PARD3: variants seen among roughly 807,000 people sequenced by gnomAD.
PARD3 encodes the protein par-3 family cell polarity regulator.
Under a neutral mutation model 155.4 loss-of-function variants are expected in PARD3, and 75 were observed. The observed-to-expected ratio is 0.48, with a 90% CI of 0.40 to 0.58. The LOEUF is 0.58. Among genes scored for constraint, PARD3 ranks in the 20% least tolerant of loss-of-function variants. The probability of loss-of-function intolerance (pLI) is 0.00; values close to 1 mark genes in which losing one functional copy is unlikely to be tolerated. For missense variants in PARD3, 1,642 were observed against 1,721.7 expected (o/e 0.95, Z 0.82); for synonymous variants, 576 against 610.5 (o/e 0.94, Z 0.83).
At chr10:34,277,647 T>C (rs1419673468) in intron 21 of PARD3, among the ~76,000 whole-genome samples, 2 of 152,140 alleles carry the variant, frequency 1.3e-5, no homozygotes, top group African/African-American at 2.4e-5. Context: ...CTGAAATATA[T>C]AGTGGTCCCT....
chr10:34,377,387 C>T (rs1384388989), intron 10 of PARD3, among the ~76,000 whole-genome samples: 1 of 151,936 alleles, frequency 6.6e-6, no homozygotes, highest in Non-Finnish European at 1.5e-5. Flanking sequence ...GGCAGGAGTT[C>T]AAGGCCAGCC....
intron 3 of PARD3, among the ~76,000 whole-genome samples, chr10:34,516,197 T>C (rs1165982384): frequency 2.0e-5 from 3 of 152,152 alleles, no homozygotes; most frequent in Non-Finnish European, 4.4e-5. Context: ...ACTCCTGACC[T>C]CAGGTGATCC....
rs1231021477 is a variant in PARD3, at chr10:34,436,123, A to G, written c.714+14194T>C. Among the ~76,000 whole-genome samples, 4 of 152,264 alleles carry G rather than the reference A, an allele frequency of 2.6e-5. No individual in the cohort carries two copies. The East Asian group carries it at 7.7e-4, about 29-fold the overall frequency. The stretch of plus-strand genomic sequence containing the variant: ...AGTTATGCCAAAGGTAAGAACTTTC[A>G]GAAAGTCTCATTTGATTTATGTGCA... On this transcript the variant is annotated intron_variant, in intron 5 of 24. Coordinates refer to ENST00000374788, the MANE Select transcript of PARD3 (RefSeq NM_001184785.2).
At chr10:34,232,338 T>G (rs1446695601) in intron 22 of PARD3, among the ~76,000 whole-genome samples, 1 of 152,086 alleles carries the variant, frequency 6.6e-6, no homozygotes, top group African/African-American at 2.4e-5. Context: ...AAAGGGGAGC[T>G]TGAAAAGGTC....
chr10:34,210,810 T>C (rs186277254), intron 22 of PARD3, among the ~76,000 whole-genome samples: 1 of 152,280 alleles, frequency 6.6e-6, no homozygotes, highest in East Asian at 1.9e-4. Context: ...ACAATGGTCA[T>C]TTAGGAATAC....
chr10:34,688,319 T>C (rs1460084117), intron 2 of PARD3, among the ~76,000 whole-genome samples: 1 of 152,200 alleles, frequency 6.6e-6, no homozygotes, highest in South Asian at 2.1e-4. Flanking sequence ...AGGCCCACTG[T>C]TGAGAACGAA....
At chr10:34,543,846 T>C (rs1260861272) in intron 2 of PARD3, among the ~76,000 whole-genome samples, 4 of 152,198 alleles carry the variant, frequency 2.6e-5, no homozygotes, top group African/African-American at 9.6e-5. Context: ...TGAAATTTTA[T>C]CAGAAGGCCA....
At chr10:34,727,943 C>T (rs2094748101) in intron 1 of PARD3, among the ~76,000 whole-genome samples, 1 of 151,924 alleles carries the variant, frequency 6.6e-6, no homozygotes, top group Non-Finnish European at 1.5e-5. Flanking sequence ...CAACCATTAC[C>T]ACATACTGGG....
chr10:34,393,836 ATTTT>A lies in PARD3; in HGVS notation c.890+5490_890+5493del, dbSNP rs11330074. 1.6e-3 allele frequency among the ~76,000 whole-genome samples: 207 copies of A among 128,808 alleles called. 1 individual carries two copies. Among genetic ancestry groups the A allele is most frequent in the African/African-American group, 5.8e-3 (196 of 33,576 alleles). 84.5% of individuals were successfully genotyped at this position (128,808 alleles called of 152,430 possible). On this transcript the variant is annotated intron_variant, in intron 7 of 24. Coordinates refer to ENST00000374788, the MANE Select transcript of PARD3 (RefSeq NM_001184785.2). ...TGAAGCCCAAGTAAGAATAGTAGTA[ATTTT>A]TTTTTTTTTTTTTTTGAGACAGAGT...
At chr10:34,645,136 A>G (rs1350767811) in intron 2 of PARD3, among the ~76,000 whole-genome samples, 1 of 152,118 alleles carries the variant, frequency 6.6e-6, no homozygotes, top group African/African-American at 2.4e-5. Context: ...TACAGGCATG[A>G]GCCATCACAC....
At position 34,813,478 on chromosome 10, in the gene PARD3, G is replaced by A. The variant is rs143217963; in HGVS notation, c.120+1398C>T. On this transcript the variant is annotated intron_variant, in intron 1 of 24. Coordinates refer to ENST00000374788, the MANE Select transcript of PARD3 (RefSeq NM_001184785.2). ...TTTGTCAGCTTTGCAAGATAAACAGGTGCCCAATTCCCACTAATTTTATTT... is the reference window on the plus strand; with the variant it reads ...TTTGTCAGCTTTGCAAGATAAACAGATGCCCAATTCCCACTAATTTTATTT... Among the ~76,000 whole-genome samples, 70 of 152,212 alleles carry A rather than the reference G, an allele frequency of 4.6e-4. No homozygotes were observed. The East Asian group carries it at 0.011, about 24-fold the overall frequency.
chr10:34,117,080 A>C (rs1181640625), intron 24 of PARD3, among the ~76,000 whole-genome samples: 1 of 152,166 alleles, frequency 6.6e-6, no homozygotes, highest in Admixed American at 6.5e-5. Context: ...CTGGGACCCA[A>C]GTGCCCCTTC....
At chr10:34,221,607 C>T (rs745731710) in intron 22 of PARD3, among the ~76,000 whole-genome samples, 1 of 152,078 alleles carries the variant, frequency 6.6e-6, no homozygotes, top group South Asian at 2.1e-4. Context: ...CTATAAAACA[C>T]GAATGACCAG....
At chr10:34,379,248 A>C (rs1410938121) in intron 9 of PARD3, among the ~76,000 whole-genome samples, 1 of 152,178 alleles carries the variant, frequency 6.6e-6, no homozygotes, top group Non-Finnish European at 1.5e-5. Flanking sequence ...AGGGTGAATA[A>C]AAATGTAGAT....
intron 22 of PARD3, among the ~76,000 whole-genome samples, chr10:34,230,532 T>C (rs766638997): frequency 6.6e-6 from 1 of 152,142 alleles, no homozygotes; most frequent in Non-Finnish European, 1.5e-5. Flanking sequence ...CACCTGACTA[T>C]AGGTCTGGAC....
chr10:34,638,347 G>A (rs186358890), intron 2 of PARD3, among the ~76,000 whole-genome samples: 39 of 152,226 alleles, frequency 2.6e-4, no homozygotes, highest in African/African-American at 9.2e-4. Context: ...AATTCAAGGA[G>A]GAGAGGCAAA....
chr10:34,203,984 G>C (rs1484425806), intron 22 of PARD3, among the ~76,000 whole-genome samples: 1 of 152,202 alleles, frequency 6.6e-6, no homozygotes, highest in East Asian at 1.9e-4. Flanking sequence ...TTAAAACTCA[G>C]TGGCAGCTAG....
At chr10:34,489,400 CG>C (rs1462878813) in intron 3 of PARD3, among the ~76,000 whole-genome samples, 1 of 152,124 alleles carries the variant, frequency 6.6e-6, no homozygotes, top group Non-Finnish European at 1.5e-5. Context: ...CGGATGCTGC[CG>C]GAAGTTGAAA....
At chr10:34,381,432 T>C (rs1435096013) in intron 9 of PARD3, among the ~76,000 whole-genome samples, 1 of 152,170 alleles carries the variant, frequency 6.6e-6, no homozygotes, top group South Asian at 2.1e-4. Flanking sequence ...ACAGTAAAAG[T>C]GTATCTTGGT....
Sources: gnomAD v4.1 joint callset for allele counts (sites outside exome capture counted in the v4.1 genomes callset) on GRCh38, gnomAD v4.1.1 for gene constraint, MANE v1.5 for transcripts, NCBI Gene and HGNC (gene_info 2026-07-23, HGNC 2026-07-21) for gene names.